PEX14: variants seen among roughly 807,000 people sequenced by gnomAD.
The protein encoded by PEX14 is peroxisomal membrane protein PEX14.
Under a neutral mutation model 49.5 loss-of-function variants are expected in PEX14, and 15 were observed. That is an observed-to-expected ratio of 0.30 (90% CI 0.20 to 0.47). The LOEUF is 0.47. PEX14 is among the 20% of genes least tolerant of loss of function. The pLI, the probability that PEX14 is intolerant of heterozygous loss-of-function variation, is 1.00. For synonymous variants in PEX14, 210 were observed against 212.7 expected, an observed-to-expected ratio of 0.99 and a Z score of 0.11; for missense variants, 398 against 494.8, an observed-to-expected ratio of 0.80 and a Z score of 1.86.
intron 3 of PEX14, among the ~76,000 whole-genome samples, chr1:10,544,938 T>C (rs1040982712): frequency 6.6e-6 from 1 of 152,130 alleles, no homozygotes; most frequent in Non-Finnish European, 1.5e-5. Context: ...ATTTTTTTTG[T>C]ATTTTGGGGA....
chr1:10,618,213 GT>G lies in PEX14; in HGVS notation c.299-117del. On this transcript the variant is annotated intron_variant, in intron 4 of 8. Transcript: ENST00000356607. Reference sequence around the variant, plus strand: ...ATGTGCTGCCTTCCTGCGTTGGAGTGTTCCACTTGCCCATTGTTGGAGGCGA... The same window carrying G: ...ATGTGCTGCCTTCCTGCGTTGGAGTGTCCACTTGCCCATTGTTGGAGGCGA... The G allele has an allele frequency of 4.0e-6, 3 of 743,288 alleles. No individual in the cohort carries two copies. In the Admixed American group the frequency reaches 5.8e-5, roughly 14 times the overall value. The allele number at this position is 743,288 out of a possible 1,614,324, so 46.0% of individuals were successfully genotyped here.
At chr1:10,563,218 T>A (rs1406235234) in intron 3 of PEX14, among the ~76,000 whole-genome samples, 1 of 150,448 alleles carries the variant, frequency 6.6e-6, no homozygotes, top group Non-Finnish European at 1.5e-5. Context: ...GCCTGGCCGC[T>A]GAATGGTGAT....
intron 2 of PEX14, among the ~76,000 whole-genome samples, chr1:10,521,570 A>T (rs763112143): frequency 3.9e-5 from 6 of 152,226 alleles, no homozygotes; most frequent in Non-Finnish European, 8.8e-5. Flanking sequence ...AAGCAGTATT[A>T]GTTCCAGTTT....
chr1:10,513,605 C>CA (rs2124440286), intron 2 of PEX14, among the ~76,000 whole-genome samples: 1 of 152,322 alleles, frequency 6.6e-6, no homozygotes, highest in South Asian at 2.1e-4. Flanking sequence ...CTTCCCTGGG[C>CA]AGGGCCTCTG....
At chr1:10,571,126 G>A (rs570773429) in intron 3 of PEX14, among the ~76,000 whole-genome samples, 2 of 150,504 alleles carry the variant, frequency 1.3e-5, no homozygotes, top group South Asian at 2.1e-4. Context: ...CAAAGTGTTA[G>A]GATTACAGGT....
At chr1:10,594,823 C>CT in intron 3 of PEX14, among the ~76,000 whole-genome samples, 1 of 36,214 alleles carries the variant, frequency 2.8e-5, no homozygotes. Context: ...GCATCACAAT[C>CT]GCAGCCTGTA....
chr1:10,550,652 C>T (rs776050103), intron 3 of PEX14, among the ~76,000 whole-genome samples: 11 of 152,182 alleles, frequency 7.2e-5, no homozygotes, highest in Non-Finnish European at 1.0e-4. Flanking sequence ...CATACATTTG[C>T]CCATTTAATT....
intron 4 of PEX14, 40 bp from the exon 5 acceptor site, chr1:10,618,292 C>A: frequency 6.5e-7 from 1 of 1,538,732 alleles, no homozygotes; most frequent in Non-Finnish European, 9.0e-7. Flanking sequence ...AGAAGGACGC[C>A]ATGTGCGTCT....
intron 2 of PEX14, among the ~76,000 whole-genome samples, chr1:10,517,690 ATT>A (rs60778161): frequency 4.9e-4 from 67 of 135,762 alleles, no homozygotes; most frequent in East Asian, 6.2e-4. Flanking sequence ...AGAACCTGTG[ATT>A]TTTTTTTTTT....
In PEX14 at chr1:10,590,357, C is replaced by A. The variant is rs192761166; in HGVS notation, c.170-8881C>A. ...CTACACGTGGGTTTAATACACTTGG[C>A]TGTTATTTTGAGTGAGGGGTGGAAA... On this transcript the variant is annotated intron_variant, in intron 3 of 8. Coordinates refer to ENST00000356607, the MANE Select transcript of PEX14 (RefSeq NM_004565.3). Among the ~76,000 whole-genome samples the A allele has an allele frequency of 5.9e-4, 90 of 152,268 alleles. No homozygotes were observed. The Middle Eastern group carries it at 0.014, about 23-fold the overall frequency.
chr1:10,626,385 G>A (rs1641745031), intron 7 of PEX14, among the ~76,000 whole-genome samples: 2 of 152,176 alleles, frequency 1.3e-5, no homozygotes, highest in Admixed American at 6.5e-5. Context: ...GGGGGTGGTG[G>A]GTGACACGCA....
intron 3 of PEX14, among the ~76,000 whole-genome samples, chr1:10,585,560 AG>A (rs1434144685): frequency 6.6e-6 from 1 of 152,254 alleles, no homozygotes; most frequent in Non-Finnish European, 1.5e-5. Context: ...TGATGGAAAA[AG>A]ATACACCATG....
intron 8 of PEX14, 29 bp downstream of exon 8, chr1:10,627,392 T>C (rs377264364): frequency 6.8e-7 from 1 of 1,476,420 alleles, no homozygotes; most frequent in Non-Finnish European, 9.5e-7. Context: ...GACCCTGTTC[T>C]GGTCGGGCCT....
chr1:10,596,085 A>G (rs1309414496), intron 3 of PEX14, among the ~76,000 whole-genome samples: 1 of 152,252 alleles, frequency 6.6e-6, no homozygotes, highest in Non-Finnish European at 1.5e-5. Flanking sequence ...AGGCAGGGTC[A>G]TCACAGCACC....
intron 2 of PEX14, among the ~76,000 whole-genome samples, chr1:10,519,444 C>A (rs559447644): frequency 6.6e-6 from 1 of 152,102 alleles, no homozygotes; most frequent in Non-Finnish European, 1.5e-5. Flanking sequence ...CGAAAAGACT[C>A]GGACTTTCAG....
At chr1:10,591,392 C>G (rs1288167321) in intron 3 of PEX14, among the ~76,000 whole-genome samples, 3 of 152,170 alleles carry the variant, frequency 2.0e-5, no homozygotes, top group Non-Finnish European at 4.4e-5. Flanking sequence ...TGGTTTTTCT[C>G]TTCCAGAAAA....
At chr1:10,594,466 G>A (rs1640774354) in intron 3 of PEX14, among the ~76,000 whole-genome samples, 1 of 152,208 alleles carries the variant, frequency 6.6e-6, no homozygotes, top group South Asian at 2.1e-4. Context: ...TGGCCCCCTG[G>A]CCCTGTTCCC....
At chr1:10,524,715 A>G (rs994723838) in intron 2 of PEX14, among the ~76,000 whole-genome samples, 3 of 151,994 alleles carry the variant, frequency 2.0e-5, no homozygotes, top group African/African-American at 7.3e-5. Flanking sequence ...ATTTTTAGAG[A>G]CGGGGTCTCA....
intron 2 of PEX14, among the ~76,000 whole-genome samples, chr1:10,504,270 C>T (rs1641739809): frequency 6.6e-6 from 1 of 152,116 alleles, no homozygotes. Flanking sequence ...CTTGTTGCTC[C>T]ACAAATCTTC....
Sources: allele counts gnomAD v4.1 joint callset (sites outside exome capture counted in the v4.1 genomes callset), GRCh38; gene constraint gnomAD v4.1.1; transcripts MANE v1.5; gene names NCBI Gene and HGNC (gene_info 2026-07-23, HGNC 2026-07-21).